The following LPIN1 variants were observed in gnomAD, a reference collection of about 807,000 sequenced individuals.
LPIN1 encodes the protein lipin 1.
In LPIN1, 71 loss-of-function variants were observed where a neutral mutation model predicts 107.5. The observed-to-expected ratio is 0.66, with a 90% CI of 0.55 to 0.80. The LOEUF is 0.80. LPIN1 is among the 30% of genes least tolerant of loss of function. The pLI is 0.00. For synonymous variants in LPIN1, 445 were observed against 452.6 expected, an observed-to-expected ratio of 0.98 and a Z score of 0.21; for missense variants, 1,043 against 1,160.6, an observed-to-expected ratio of 0.90 and a Z score of 1.47.
chr2:11,779,469 T>A (rs1339490545), intron 6 of LPIN1, 50 bp from the exon 7 acceptor site: 1 of 1,606,700 alleles, frequency 6.2e-7, no homozygotes, highest in Non-Finnish European at 8.5e-7. Context: ...CCAAAACATT[T>A]ACAAAAGTTT....
In LPIN1 at chr2:11,789,494, G is replaced by A. The variant is rs1047348963; in HGVS notation, c.1713+1038G>A. On this transcript the variant is annotated intron_variant, in intron 12 of 20. Coordinates refer to ENST00000674199, the MANE Select transcript of LPIN1 (RefSeq NM_001349206.2). Reference sequence around the variant, plus strand: ...CGTGTGTGCATGTGTGGATGTGCACGTGTGTGCGCGTGTGCATGTATGTGT... The same window carrying A: ...CGTGTGTGCATGTGTGGATGTGCACATGTGTGCGCGTGTGCATGTATGTGT... 5.3e-5 allele frequency among the ~76,000 whole-genome samples: 8 copies of A among 151,764 alleles called. No homozygotes were observed. The East Asian group carries it at 5.8e-4, about 11-fold the overall frequency.
chr2:11,784,282 CCA>C, intron 9 of LPIN1: 1 of 983,414 alleles, frequency 1.0e-6, no homozygotes, highest in Non-Finnish European at 1.2e-6. Context: ...CCAGCCTGGG[CCA>C]CAGAGTGAGA....
At chr2:11,821,026 T>C (rs1236665806) in intron 20 of LPIN1, among the ~76,000 whole-genome samples, 1 of 152,252 alleles carries the variant, frequency 6.6e-6, no homozygotes, top group Non-Finnish European at 1.5e-5. Context: ...GGCATCCTTG[T>C]GTGCTTAGAA....
chr2:11,818,331 G>A (rs1279601388), intron 18 of LPIN1: 1 of 152,094 alleles, frequency 6.6e-6, no homozygotes, highest in Non-Finnish European at 1.5e-5. Context: ...CATTTGTTTA[G>A]GTCTTTCCTA....
intron 1 of LPIN1, among the ~76,000 whole-genome samples, chr2:11,761,174 G>A (rs544859353): frequency 2.6e-4 from 33 of 129,116 alleles, no homozygotes; most frequent in African/African-American, 1.6e-3. Flanking sequence ...TAGTTTTAGA[G>A]TTAGAGGGTT....
At chr2:11,693,812 A>G (rs1445269195) in intron 1 of LPIN1, among the ~76,000 whole-genome samples, 3 of 31,352 alleles carry the variant, frequency 9.6e-5, no homozygotes, top group African/African-American at 1.6e-4. Flanking sequence ...ATATATATAT[A>G]TATATATATA....
chr2:11,734,194 C>A (rs1416012936), intron 1 of LPIN1, among the ~76,000 whole-genome samples: 1 of 152,072 alleles, frequency 6.6e-6, no homozygotes, highest in Admixed American at 6.5e-5. Flanking sequence ...AACCAATGAC[C>A]AACTTTTCTT....
intron 1 of LPIN1, among the ~76,000 whole-genome samples, chr2:11,701,031 C>A (rs57281558): frequency 0.16 from 23,992 of 152,136 alleles, 2,116 homozygotes; most frequent in East Asian, 0.3. Context: ...CCCTGCTCCC[C>A]CTCACTCTGT....
intron 12 of LPIN1, 127 bp from the exon 13 acceptor site, chr2:11,791,787 T>C: frequency 6.6e-7 from 1 of 1,505,366 alleles, no homozygotes; most frequent in Non-Finnish European, 8.9e-7. Flanking sequence ...GCACAAATAG[T>C]ATGTTGTGTT....
intron 1 of LPIN1, among the ~76,000 whole-genome samples, chr2:11,760,004 G>GAT (rs1669478340): frequency 2.6e-5 from 2 of 76,712 alleles, no homozygotes; most frequent in African/African-American, 4.9e-5. Context: ...CTTCTCAGAC[G>GAT]GGGCGGCCGG....
At position 11,771,455 on chromosome 2, in the gene LPIN1, T is replaced by C; in HGVS notation, c.372T>C (p.Ser124=). 4.3e-6 allele frequency: 7 copies of C among 1,614,234 alleles called. No homozygotes were observed. Among genetic ancestry groups the C allele is most frequent in the Non-Finnish European group, 5.9e-6 (7 of 1,180,044 alleles). Residue 124 remains serine (S), a synonymous_variant, in exon 4 of 21, where the codon TCT becomes TCC. Transcript: ENST00000674199. The surrounding 1 kb of genome is among the most constrained non-coding windows in gnomAD (Gnocchi z 4.8). ...SRMECQLKRG[S]VDRMRGLDPS... is the part of the protein sequence containing the mutation. ...TGGAATGCCAGCTGAAAAGGGGCTC[T>C]GTGGACAGGATGAGAGGCCTGGACC...
intron 17 of LPIN1, among the ~76,000 whole-genome samples, chr2:11,812,003 G>T (rs1169699168): frequency 2.0e-5 from 3 of 152,230 alleles, no homozygotes; most frequent in Non-Finnish European, 4.4e-5. Flanking sequence ...GAAAAAAAAA[G>T]AAATTTTTAA....
chr2:11,702,990 C>T (rs561572193), intron 1 of LPIN1, among the ~76,000 whole-genome samples: 20 of 152,294 alleles, frequency 1.3e-4, no homozygotes, highest in Non-Finnish European at 2.4e-4. Flanking sequence ...TTGGATATTT[C>T]TGCAGCAAGA....
intron 1 of LPIN1, among the ~76,000 whole-genome samples, chr2:11,729,251 A>G (rs1201293901): frequency 6.6e-6 from 1 of 152,228 alleles, no homozygotes; most frequent in Non-Finnish European, 1.5e-5. Flanking sequence ...CCACCATGGC[A>G]CATGTATACC....
chr2:11,776,847 C>T (rs1238524412), intron 6 of LPIN1, among the ~76,000 whole-genome samples: 2 of 152,158 alleles, frequency 1.3e-5, no homozygotes, highest in Non-Finnish European at 2.9e-5. Context: ...ACTTTGTAAG[C>T]CTTAGCAAAT....
chr2:11,756,204 T>C (rs1668663146), intron 1 of LPIN1, among the ~76,000 whole-genome samples: 1 of 152,140 alleles, frequency 6.6e-6, no homozygotes, highest in South Asian at 2.1e-4. Context: ...AAACCCACAA[T>C]GTGAAAATGG....
chr2:11,692,999 A>G (rs1662348345), intron 1 of LPIN1, among the ~76,000 whole-genome samples: 1 of 152,122 alleles, frequency 6.6e-6, no homozygotes, highest in Non-Finnish European at 1.5e-5. Flanking sequence ...GGGACTGGCC[A>G]AATCCTACCC....
chr2:11,747,194 G>A (rs558031559), intron 1 of LPIN1, among the ~76,000 whole-genome samples: 59 of 152,332 alleles, frequency 3.9e-4, no homozygotes, highest in African/African-American at 1.4e-3. Flanking sequence ...ACAGTTGCCG[G>A]GCGGCAGGGC....
chr2:11,740,220 G>A (rs1666201510), intron 1 of LPIN1, among the ~76,000 whole-genome samples: 2 of 152,176 alleles, frequency 1.3e-5, no homozygotes, highest in South Asian at 2.1e-4. Flanking sequence ...GTTCTATTGA[G>A]GAATTCAACT....
Sources: gnomAD v4.1 joint callset for allele counts (sites outside exome capture counted in the v4.1 genomes callset) on GRCh38, gnomAD v4.1.1 for gene constraint, Gnocchi (gnomAD v3.1) non-coding constraint, MANE v1.5 for transcripts, NCBI Gene and HGNC (gene_info 2026-07-23, HGNC 2026-07-21) for gene names.